The following CNGA1 variants were observed in gnomAD, a reference collection of about 807,000 sequenced individuals.
CNGA1 encodes the protein cyclic nucleotide-gated channel alpha-1.
A neutral mutation model predicts 69.7 loss-of-function variants in CNGA1; 53 were observed. The ratio of observed to expected loss-of-function variants is 0.76; its 90% CI spans 0.61 to 0.96. The LOEUF (loss-of-function observed/expected upper bound fraction) is 0.96. CNGA1 is among the 40% of genes least tolerant of loss of function. CNGA1 has a pLI of 0.00. For missense variants in CNGA1, 739 were observed against 811.2 expected (o/e 0.91, Z 1.08); for synonymous variants, 249 against 283.5 (o/e 0.88, Z 1.22).
chr4:47,977,828 A>ATT (rs11415776), intron 3 of CNGA1, among the ~76,000 whole-genome samples: 555 of 148,436 alleles, frequency 3.7e-3, no homozygotes, highest in African/African-American at 9.9e-3. Context: ...CATTTAAGTG[A>ATT]TTTTTTTTTT....
At chr4:48,013,528 GT>G (rs1268080618) in intron 1 of CNGA1, among the ~76,000 whole-genome samples, 1 of 152,190 alleles carries the variant, frequency 6.6e-6, no homozygotes, top group African/African-American at 2.4e-5. Context: ...GGCTTTCCAG[GT>G]CATAGGTAGA....
At chr4:48,006,560 T>C (rs1482044772) in intron 2 of CNGA1, among the ~76,000 whole-genome samples, 1 of 152,194 alleles carries the variant, frequency 6.6e-6, no homozygotes, top group African/African-American at 2.4e-5. Context: ...TAACCAAATA[T>C]GTCATTTTTT....
intron 2 of CNGA1, among the ~76,000 whole-genome samples, chr4:47,999,360 G>T (rs1714557638): frequency 6.6e-6 from 1 of 152,264 alleles, no homozygotes; most frequent in East Asian, 1.9e-4. Flanking sequence ...TGCCATATAA[G>T]TCTTAAAAGA....
intron 3 of CNGA1, among the ~76,000 whole-genome samples, chr4:47,974,877 C>A (rs1235624372): frequency 6.6e-6 from 1 of 151,974 alleles, no homozygotes; most frequent in Non-Finnish European, 1.5e-5. Context: ...ACCTGTGAAA[C>A]CCTGACAAAA....
intron 2 of CNGA1, among the ~76,000 whole-genome samples, chr4:47,985,373 T>A (rs969626249): frequency 6.6e-6 from 1 of 152,170 alleles, no homozygotes; most frequent in African/African-American, 2.4e-5. Flanking sequence ...ACCTACCTCA[T>A]ACACAGATGA....
chr4:48,010,470 C>A (rs1328678529), intron 2 of CNGA1, among the ~76,000 whole-genome samples: 1 of 152,192 alleles, frequency 6.6e-6, no homozygotes, highest in Admixed American at 6.5e-5. Context: ...ACCAGGGGTC[C>A]TTGCTCACAG....
At position 47,937,074 on chromosome 4, in the gene CNGA1, A is replaced by G. The variant is rs2110128629; in HGVS notation, c.1408T>C (p.Leu470=). ...EIAINVHLDT[L]KKVRIFADCE... Reference sequence around the variant, plus strand: ...TCAGCAAAAATGCGTACCTTTTTTAATGTGTCTAAGTGAACGTTGATGGCA... The same window carrying G: ...TCAGCAAAAATGCGTACCTTTTTTAGTGTGTCTAAGTGAACGTTGATGGCA... The change falls in exon 11 of 11, where the codon TTA becomes CTA. Residue 470 remains leucine, a synonymous_variant. Coordinates refer to ENST00000514170, the MANE Select transcript of CNGA1 (RefSeq NM_001379270.1). 6.2e-7 allele frequency: 1 copy of G among 1,614,210 alleles called. No homozygotes were observed. The highest frequency in any genetic ancestry group is 8.5e-7 in the Non-Finnish European group (1 of 1,180,036).
Position 47,936,276 on chromosome 4 carries a change from G to T in CNGA1, c.*145C>A. On this transcript the variant is annotated 3_prime_UTR_variant, in exon 11 of 11. Coordinates refer to ENST00000514170, the MANE Select transcript of CNGA1 (RefSeq NM_001379270.1). Reference sequence around the variant, plus strand: ...ATAGTATCTCTCAGAGAGGGTGTGGGCCTTGTACCTTGCACCAAAGCACAT... The same window carrying T: ...ATAGTATCTCTCAGAGAGGGTGTGGTCCTTGTACCTTGCACCAAAGCACAT... 1 of 788,752 alleles carries T rather than the reference G, an allele frequency of 1.3e-6. No individual in the cohort carries two copies. The highest frequency in any genetic ancestry group is 2.1e-6 in the Non-Finnish European group (1 of 465,698). 48.9% of individuals were successfully genotyped at this position (788,752 alleles called of 1,614,324 possible).
intron 10 of CNGA1, among the ~76,000 whole-genome samples, chr4:47,940,086 G>A (rs1327521155): frequency 6.6e-6 from 1 of 152,152 alleles, no homozygotes; most frequent in Non-Finnish European, 1.5e-5. Context: ...TCAGCCCTCT[G>A]ATACATTACA....
chr4:47,990,550 A>G (rs928102185), intron 2 of CNGA1, among the ~76,000 whole-genome samples: 2 of 152,036 alleles, frequency 1.3e-5, no homozygotes, highest in Admixed American at 1.3e-4. Context: ...CAGTATTTCT[A>G]ATTTTGCCTT....
chr4:47,972,038 C>A (rs1316168240), intron 3 of CNGA1, among the ~76,000 whole-genome samples: 1 of 152,176 alleles, frequency 6.6e-6, no homozygotes, highest in Non-Finnish European at 1.5e-5. Context: ...TTTTACGTAC[C>A]TATGTAAGCT....
In CNGA1 at chr4:47,951,350, C is replaced by A. The variant is rs913218512; in HGVS notation, c.224+3G>T. 6 of 1,568,364 alleles carry A rather than the reference C, an allele frequency of 3.8e-6. No individual in the cohort carries two copies. Among genetic ancestry groups the A allele is most frequent in the South Asian group, 1.1e-5 (1 of 90,138 alleles). On this transcript the variant is annotated splice_donor_region_variant and intron_variant, in intron 5 of 10. Coordinates refer to ENST00000514170, the MANE Select transcript of CNGA1 (RefSeq NM_001379270.1). ...GCACCAAGGGATGGATCATACTGCTCACCTCTGTGATGGTCCTCCCTTTCT... is the reference window on the plus strand; with the variant it reads ...GCACCAAGGGATGGATCATACTGCTAACCTCTGTGATGGTCCTCCCTTTCT...
chr4:48,005,088 G>A (rs1472629591), intron 2 of CNGA1, among the ~76,000 whole-genome samples: 1 of 147,102 alleles, frequency 6.8e-6, no homozygotes, highest in East Asian at 2.0e-4. Flanking sequence ...ATCGTGGTTG[G>A]ACTGATTTGC....
intron 3 of CNGA1, among the ~76,000 whole-genome samples, chr4:47,962,215 G>GCACA (rs1740483228): frequency 6.6e-6 from 1 of 151,866 alleles, no homozygotes; most frequent in South Asian, 2.1e-4. Flanking sequence ...GTGGTGGTGT[G>GCACA]TGCCTGTAAT....
At chr4:47,953,529 G>T (rs1030151282) in intron 3 of CNGA1, among the ~76,000 whole-genome samples, 1 of 152,190 alleles carries the variant, frequency 6.6e-6, no homozygotes, top group Non-Finnish European at 1.5e-5. Context: ...CACATTTTTA[G>T]CAAGTCCCCT....
Position 47,943,109 on chromosome 4 carries a change from T to A in CNGA1, c.437+72A>T, listed in dbSNP as rs558291074. 5.7e-5 allele frequency: 61 copies of A among 1,060,872 alleles called. No individual in the cohort carries two copies. The South Asian group carries it at 7.4e-4, about 13-fold the overall frequency. 65.7% of individuals were successfully genotyped at this position (1,060,872 alleles called of 1,614,324 possible). A position where few individuals can be genotyped will look rare whatever the true frequency, so the allele number is the denominator to read the frequency against. The stretch of plus-strand genomic sequence containing the variant: ...TATAAAGTTTCTTTCTACTTTGTAT[T>A]ATGGAAAATCATCCCTGCATCTAAA... On this transcript the variant is annotated intron_variant, in intron 8 of 10. Transcript: ENST00000514170.
chr4:47,993,255 T>C (rs1742350518), intron 2 of CNGA1, among the ~76,000 whole-genome samples: 1 of 152,110 alleles, frequency 6.6e-6, no homozygotes, highest in Admixed American at 6.6e-5. Flanking sequence ...ATAGTGTCAG[T>C]AGAATTGGTA....
rs1578112942 is a variant in CNGA1 at position 47,984,704 on chromosome 4, A to T, written c.-122-3204T>A. ...CACACACACACACACATATATATAT[A>T]ATATATATAATTGTCCCTCACATCT... On this transcript the variant is annotated intron_variant, in intron 2 of 10. Transcript: ENST00000514170. 4.0e-5 allele frequency among the ~76,000 whole-genome samples: 6 copies of T among 149,706 alleles called. 1 individual carries two copies. Among genetic ancestry groups the T allele is most frequent in the African/African-American group, 1.5e-4 (6 of 40,838 alleles).
At chr4:47,967,174 G>A (rs1326351238) in intron 3 of CNGA1, among the ~76,000 whole-genome samples, 1 of 152,082 alleles carries the variant, frequency 6.6e-6, no homozygotes. Flanking sequence ...ATGGTGGCGA[G>A]CACCTGTAAT....
Sources: allele counts gnomAD v4.1 joint callset (sites outside exome capture counted in the v4.1 genomes callset), GRCh38; gene constraint gnomAD v4.1.1; transcripts MANE v1.5; gene names NCBI Gene and HGNC (gene_info 2026-07-23, HGNC 2026-07-21).